Variants in LIFR observed in about 807,000 individuals in gnomAD.
LIFR encodes the protein LIF receptor subunit alpha, also known as leukemia inhibitory factor receptor.
Under a neutral mutation model 122.2 loss-of-function variants are expected in LIFR, and 84 were observed. The observed-to-expected ratio is 0.69, with a 90% CI of 0.58 to 0.82. The LOEUF (loss-of-function observed/expected upper bound fraction) is 0.82, where lower values mean the gene tolerates loss of function less well. Among genes scored for constraint, LIFR ranks in the 40% least tolerant of loss-of-function variants. The pLI is 0.00. For synonymous variants in LIFR, 422 were observed against 434.7 expected (o/e 0.97, Z 0.36); for missense variants, 1,294 against 1,311.6 (o/e 0.99, Z 0.21).
At position 38,478,071 on chromosome 5, in the gene LIFR, T is replaced by C. The variant is rs930762951; in HGVS notation, c.*3524A>G. ...AAAATACCATAAAATTGATTTTAAA[T>C]TCCCTTTGGAAGAAAACATCCCCTA... is the stretch of plus-strand genomic sequence containing the variant. On this transcript the variant is annotated 3_prime_UTR_variant, in exon 20 of 20. Coordinates refer to ENST00000453190, the MANE Select transcript of LIFR (RefSeq NM_001127671.2). 3 of 208,464 alleles carry C rather than the reference T, an allele frequency of 1.4e-5. No individual in the cohort carries two copies. The highest frequency in any genetic ancestry group is 6.8e-5 in the African/African-American group (3 of 43,962). 12.9% of individuals were successfully genotyped at this position (208,464 alleles called of 1,614,324 possible).
intron 1 of LIFR, among the ~76,000 whole-genome samples, chr5:38,536,290 T>C (rs1462286365): frequency 3.3e-5 from 5 of 151,902 alleles, no homozygotes. Flanking sequence ...TCAACCAACC[T>C]TGGATTGAAA....
rs767906708 is a variant in LIFR, at chr5:38,522,727, T to C, written c.561+692A>G. Among the ~76,000 whole-genome samples, 18 of 152,332 alleles carry C rather than the reference T, an allele frequency of 1.2e-4. No individual in the cohort carries two copies. In the East Asian group the frequency reaches 1.9e-3, roughly 16 times the overall value. On this transcript the variant is annotated intron_variant, in intron 5 of 19. Coordinates refer to ENST00000453190, the MANE Select transcript of LIFR (RefSeq NM_001127671.2). The stretch of plus-strand genomic sequence containing the variant: ...AGAAACAATAAGAAAGTATGAAATA[T>C]AGAATAATCTTTTTTATTATCTTTA...
intron 1 of LIFR, among the ~76,000 whole-genome samples, chr5:38,577,096 G>C (rs1749411463): frequency 6.6e-6 from 1 of 152,190 alleles, no homozygotes; most frequent in South Asian, 2.1e-4. Context: ...GACATTCAAA[G>C]ACACCAGTTA....
At chr5:38,498,864 C>T (rs549542544) in intron 12 of LIFR, among the ~76,000 whole-genome samples, 76 of 152,160 alleles carry the variant, frequency 5.0e-4, no homozygotes, top group African/African-American at 1.8e-3. Context: ...GCTGTATCGA[C>T]GTCAAAAGTT....
chr5:38,487,485 G>A (rs1221844049), intron 16 of LIFR, among the ~76,000 whole-genome samples: 1 of 152,182 alleles, frequency 6.6e-6, no homozygotes, highest in East Asian at 1.9e-4. Context: ...TTAGCTGCTT[G>A]GAAAATTCAT....
chr5:38,569,370 CAGCAGGAGGTGAGA>C (rs539805652), intron 1 of LIFR, among the ~76,000 whole-genome samples: 1 of 152,224 alleles, frequency 6.6e-6, no homozygotes, highest in East Asian at 1.9e-4. Flanking sequence ...GAACCCTGCT[CAGCAGGAGGTGAGA>C]AGCAGGAGGC....
intron 1 of LIFR, among the ~76,000 whole-genome samples, chr5:38,593,571 G>T (rs921110584): frequency 6.6e-6 from 1 of 152,166 alleles, no homozygotes; most frequent in African/African-American, 2.4e-5. Context: ...CATCAGAGAA[G>T]AGGAGGGGGA....
rs776173910 is a variant in LIFR, at chr5:38,490,220, G to T, written c.2137C>A (p.Arg713Ser). The change falls in exon 15 of 20, where the codon CGC becomes AGC. Residue 713 changes from arginine (R) to serine (S), a missense_variant. Arg to Ser is a moderately radical substitution (Grantham distance 110). Transcript: ENST00000453190. Reference sequence around the variant, plus strand: ...TCTTCTATATATCCAATCATGGAGCGTAATAATTGATATCCTTGATTTCTG... The same window carrying T: ...TCTTCTATATATCCAATCATGGAGCTTAATAATTGATATCCTTGATTTCTG... Reference protein sequence around the residue: ...GCRNQGYQLLRSMIGYIEELA... With the variant: ...GCRNQGYQLLSSMIGYIEELA... The T allele has an allele frequency of 2.5e-6, 4 of 1,570,788 alleles. No homozygotes were observed. The highest frequency in any genetic ancestry group is 3.5e-6 in the Non-Finnish European group (4 of 1,143,978).
intron 3 of LIFR, 65 bp from the exon 4 acceptor site, chr5:38,527,359 G>T: frequency 1.8e-6 from 2 of 1,098,362 alleles, no homozygotes; most frequent in Non-Finnish European, 2.7e-6. Context: ...ATAAAAATTT[G>T]GTTAACACAA....
rs1405234004 is a variant in LIFR at position 38,482,336 on chromosome 5, TCTGTATTTCACACAACAGCACAGCC to T, written c.2671-143_2671-119del. ...GCTTGTAAACAGGTGTCTCTACTAC[TCTGTATTTCACACAACAGCACAGCC>T]ACTTTTTTCTTCCGTATCAGTATTT... is the stretch of plus-strand genomic sequence containing the variant. On this transcript the variant is annotated intron_variant, in intron 19 of 19. Transcript: ENST00000453190. 8,118 of 957,362 alleles carry T rather than the reference TCTGTATTTCACACAACAGCACAGCC, an allele frequency of 8.5e-3. 378 individuals carry two copies. In the African/African-American group the frequency reaches 0.1, roughly 12 times the overall value. The allele number at this position is 957,362 out of a possible 1,614,324, so 59.3% of individuals were successfully genotyped here.
chr5:38,522,372 T>TC, intron 5 of LIFR, among the ~76,000 whole-genome samples: 1 of 152,284 alleles, frequency 6.6e-6, no homozygotes. Context: ...ATCCCGATGC[T>TC]CTCTCTAGGA....
intron 5 of LIFR, among the ~76,000 whole-genome samples, chr5:38,512,380 A>C (rs1218093320): frequency 1.3e-5 from 2 of 152,100 alleles, no homozygotes; most frequent in African/African-American, 4.8e-5. Flanking sequence ...GCACTTTGGG[A>C]GGCTGAGACA....
intron 1 of LIFR, among the ~76,000 whole-genome samples, chr5:38,547,402 C>T (rs771918872): frequency 1.3e-5 from 2 of 152,172 alleles, no homozygotes; most frequent in South Asian, 2.1e-4. Flanking sequence ...GGTGACTTTG[C>T]TGTTGGTTAC....
chr5:38,501,401 T>A (rs1745168365), intron 11 of LIFR, among the ~76,000 whole-genome samples: 1 of 152,224 alleles, frequency 6.6e-6, no homozygotes, highest in Non-Finnish European at 1.5e-5. Flanking sequence ...GGAGGAAGTA[T>A]TATACTGCAT....
intron 1 of LIFR, among the ~76,000 whole-genome samples, chr5:38,589,183 A>G (rs1048441577): frequency 1.3e-5 from 2 of 149,992 alleles, no homozygotes; most frequent in African/African-American, 4.9e-5. Flanking sequence ...TTTTTTTTGT[A>G]TTTTTAGTAG....
intron 1 of LIFR, among the ~76,000 whole-genome samples, chr5:38,590,074 T>C (rs1749874822): frequency 6.6e-6 from 1 of 152,342 alleles, no homozygotes; most frequent in African/African-American, 2.4e-5. Flanking sequence ...ACTTAGTAAA[T>C]GCAGGACCTA....
chr5:38,570,420 T>C (rs544912025), intron 1 of LIFR, among the ~76,000 whole-genome samples: 1 of 152,318 alleles, frequency 6.6e-6, no homozygotes, highest in East Asian at 1.9e-4. Context: ...GAAAATATAA[T>C]AGAGTTCTTG....
chr5:38,499,013 GCAA>G (rs1745036514), intron 12 of LIFR, among the ~76,000 whole-genome samples: 1 of 151,722 alleles, frequency 6.6e-6, no homozygotes, highest in Non-Finnish European at 1.5e-5. Flanking sequence ...TAAAAATATG[GCAA>G]CAAAAAATGT....
At chr5:38,559,768 G>A (rs890318893), upstream of LIFR, among the ~76,000 whole-genome samples, 1 of 152,230 alleles carries the variant, frequency 6.6e-6, no homozygotes, top group African/African-American at 2.4e-5. Context: ...TGAGCTGTAA[G>A]TACTTGCTGG....
Sources: gnomAD v4.1 joint callset for allele counts (sites outside exome capture counted in the v4.1 genomes callset) on GRCh38, gnomAD v4.1.1 for gene constraint, MANE v1.5 for transcripts, NCBI Gene and HGNC (gene_info 2026-07-23, HGNC 2026-07-21) for gene names.